Variants in CADPS observed in about 807,000 individuals in gnomAD.
CADPS encodes calcium dependent secretion activator, also known as calcium-dependent secretion activator 1.
CADPS carries 57 observed loss-of-function variants against 167.3 expected under a neutral mutation model. The ratio of observed to expected loss-of-function variants is 0.34; its 90% confidence interval spans 0.28 to 0.42. The LOEUF (loss-of-function observed/expected upper bound fraction) is 0.42. CADPS is among the 20% of genes least tolerant of loss of function. CADPS has a pLI of 1.00. For synonymous variants in CADPS, 676 were observed against 635.3 expected, an observed-to-expected ratio of 1.06 and a Z score of -0.96; for missense variants, 1,414 against 1,738.1, an observed-to-expected ratio of 0.81 and a Z score of 3.32.
intron 1 of CADPS, among the ~76,000 whole-genome samples, chr3:62,819,124 A>G: frequency 6.6e-6 from 1 of 152,100 alleles, no homozygotes. Context: ...TTATGTGTGT[A>G]TTTGTCAAAA....
chr3:62,401,168 G>A (rs1461768152), intron 29 of CADPS, among the ~76,000 whole-genome samples: 30 of 152,234 alleles, frequency 2.0e-4, no homozygotes, highest in Admixed American at 2.0e-3. Flanking sequence ...GGACGGGTAA[G>A]AGACTGAATA....
chr3:62,520,370 A>G (rs141204049), intron 13 of CADPS, among the ~76,000 whole-genome samples: 4 of 152,238 alleles, frequency 2.6e-5, no homozygotes, highest in Non-Finnish European at 5.9e-5. Context: ...CAAACCTAAC[A>G]ATGGATTATG....
chr3:62,827,375 ACACT>A (rs1455316971), intron 1 of CADPS, among the ~76,000 whole-genome samples: 3 of 152,188 alleles, frequency 2.0e-5, no homozygotes, highest in African/African-American at 4.8e-5. Context: ...TTCATTGAGA[ACACT>A]CACTATGCCA....
At chr3:62,836,034 C>T (rs1577082386) in intron 1 of CADPS, among the ~76,000 whole-genome samples, 1 of 152,054 alleles carries the variant, frequency 6.6e-6, no homozygotes, top group South Asian at 2.1e-4. Context: ...ATGACTGAAT[C>T]ACTAGTTTTG....
At chr3:62,477,564 T>C (rs2061485941) in intron 23 of CADPS, among the ~76,000 whole-genome samples, 2 of 152,216 alleles carry the variant, frequency 1.3e-5, no homozygotes, top group African/African-American at 4.8e-5. Flanking sequence ...GCTGAATGGA[T>C]GAATGTTGTC....
intron 17 of CADPS, among the ~76,000 whole-genome samples, chr3:62,508,391 C>G (rs768153282): frequency 1.3e-5 from 2 of 152,160 alleles, no homozygotes; most frequent in Non-Finnish European, 2.9e-5. Context: ...ATCACAAGCA[C>G]TTTATAGTGT....
chr3:62,512,432 G>C (rs186870871), intron 17 of CADPS, among the ~76,000 whole-genome samples: 1 of 152,184 alleles, frequency 6.6e-6, no homozygotes, highest in Admixed American at 6.6e-5. Context: ...AGATTCATTT[G>C]GTTAAACAAC....
intron 4 of CADPS, among the ~76,000 whole-genome samples, chr3:62,654,871 G>T (rs974119561): frequency 6.6e-6 from 1 of 152,098 alleles, no homozygotes; most frequent in African/African-American, 2.4e-5. Context: ...TTGTGAAGTG[G>T]GTTCTTGCTA....
intron 18 of CADPS, among the ~76,000 whole-genome samples, chr3:62,497,211 A>T (rs186088740): frequency 6.6e-6 from 1 of 152,326 alleles, no homozygotes; most frequent in African/African-American, 2.4e-5. Context: ...AAAAATATAC[A>T]TCCTTTCTTA....
intron 6 of CADPS, among the ~76,000 whole-genome samples, chr3:62,631,427 C>A (rs1226484404): frequency 1.3e-5 from 2 of 152,126 alleles, no homozygotes; most frequent in African/African-American, 4.8e-5. Flanking sequence ...TGTGAAAGAC[C>A]TGGAAAATTC....
chr3:62,831,950 A>G (rs2075166768), intron 1 of CADPS, among the ~76,000 whole-genome samples: 1 of 152,202 alleles, frequency 6.6e-6, no homozygotes, highest in Admixed American at 6.6e-5. Context: ...CTCTTGGCTA[A>G]CAAGTATCAA....
At chr3:62,460,058 A>G (rs1249885200) in intron 26 of CADPS, among the ~76,000 whole-genome samples, 3 of 152,194 alleles carry the variant, frequency 2.0e-5, no homozygotes, top group Non-Finnish European at 4.4e-5. Flanking sequence ...CTGTGTATAT[A>G]TGGGGAATAA....
In CADPS at chr3:62,465,476, A is replaced by G. The variant is rs148264169; in HGVS notation, c.3553-26T>C. 3.5e-4 allele frequency: 520 copies of G among 1,506,022 alleles called. No homozygotes were observed. The African/African-American group carries it at 6.5e-3, about 19-fold the overall frequency. 93.3% of individuals were successfully genotyped at this position (1,506,022 alleles called of 1,614,324 possible). Reference sequence around the variant, plus strand: ...CTAGAAAAACAGCAAAAAAGAAAAAAATGTTATTTCAAACTATAATTGTTC... The same window carrying G: ...CTAGAAAAACAGCAAAAAAGAAAAAGATGTTATTTCAAACTATAATTGTTC... On this transcript the variant is annotated intron_variant, in intron 25 of 29. Transcript: ENST00000383710. The surrounding 1 kb of genome is among the most constrained non-coding windows in gnomAD (Gnocchi z 4.1).
At position 62,549,898 on chromosome 3, in the gene CADPS, C is replaced by A; in HGVS notation, c.1966+5G>T. On this transcript the variant is annotated splice_donor_5th_base_variant and intron_variant, in intron 11 of 29. Transcript: ENST00000383710. Reference sequence around the variant, plus strand: ...CTATTTTTGTAAAACGGCATATTTACTTACAAAATTGAGAGATAGGGGCAT... The same window carrying A: ...CTATTTTTGTAAAACGGCATATTTAATTACAAAATTGAGAGATAGGGGCAT... The A allele has an allele frequency of 6.2e-7, 1 of 1,610,294 alleles. No homozygotes were observed. The highest frequency in any genetic ancestry group is 2.2e-5 in the East Asian group (1 of 44,840).
intron 1 of CADPS, among the ~76,000 whole-genome samples, chr3:62,824,507 C>T (rs2073673033): frequency 6.6e-6 from 1 of 152,116 alleles, no homozygotes; most frequent in Admixed American, 6.6e-5. Flanking sequence ...TCAAGGGTTG[C>T]ATGCAGTGTC....
chr3:62,636,589 A>C (rs2066355820), intron 6 of CADPS, among the ~76,000 whole-genome samples: 1 of 152,170 alleles, frequency 6.6e-6, no homozygotes. Flanking sequence ...ATCCATCTGC[A>C]CCTTTATAGT....
At chr3:62,675,751 T>C (rs1466504297) in intron 3 of CADPS, among the ~76,000 whole-genome samples, 1 of 152,162 alleles carries the variant, frequency 6.6e-6, no homozygotes, top group Non-Finnish European at 1.5e-5. Flanking sequence ...TGAAGACAGA[T>C]GACTTCTTAT....
Position 62,661,272 on chromosome 3 carries a change from T to G in CADPS, c.969+1042A>C, listed in dbSNP as rs55859446. ...ATTCGATGAGCTGCTATAATAAAGG[T>G]TGATATGCGATCTGACGGGAACACA... On this transcript the variant is annotated intron_variant, in intron 4 of 29. Coordinates refer to ENST00000383710, the MANE Select transcript of CADPS (RefSeq NM_003716.4). Among the ~76,000 whole-genome samples, 448 of 152,222 alleles carry G rather than the reference T, an allele frequency of 2.9e-3. 3 individuals are homozygous for G. The highest frequency in any genetic ancestry group is 0.01 in the African/African-American group (428 of 41,534).
intron 11 of CADPS, among the ~76,000 whole-genome samples, chr3:62,548,358 T>C (rs766326356): frequency 2.6e-5 from 4 of 151,060 alleles, no homozygotes; most frequent in Non-Finnish European, 5.9e-5. Context: ...AACTTGGTGG[T>C]AGGTGTGGGC....
Sources: allele counts gnomAD v4.1 joint callset (sites outside exome capture counted in the v4.1 genomes callset), GRCh38; gene constraint gnomAD v4.1.1; non-coding constraint Gnocchi (gnomAD v3.1); transcripts MANE v1.5; gene names NCBI Gene and HGNC (gene_info 2026-07-23, HGNC 2026-07-21).